The following CPLX1 variants were observed in gnomAD, a reference collection of about 807,000 sequenced individuals.
CPLX1 encodes the protein complexin 1, also known as complexin-1.
Under a neutral mutation model 15.6 loss-of-function variants are expected in CPLX1, and 6 were observed. That is an observed-to-expected ratio of 0.39 (90% CI 0.21 to 0.76). The LOEUF (loss-of-function observed/expected upper bound fraction) is 0.76, where lower values mean the gene tolerates loss of function less well. Among genes scored for constraint, CPLX1 ranks in the 30% least tolerant of loss-of-function variants. The probability of loss-of-function intolerance (pLI) is 0.43; values close to 1 mark genes in which losing one functional copy is unlikely to be tolerated. For synonymous variants in CPLX1, 91 were observed against 75.2 expected (o/e 1.21, Z -1.08); for missense variants, 242 against 188.6 (o/e 1.28, Z -1.66).
intron 1 of CPLX1, among the ~76,000 whole-genome samples, chr4:825,677 G>A (rs1409164384): frequency 6.6e-6 from 1 of 151,372 alleles, no homozygotes; most frequent in African/African-American, 2.4e-5. Flanking sequence ...GGCGCGGGCC[G>A]GGACCGCGGG....
At chr4:797,998 G>C (rs1746377559) in intron 2 of CPLX1, among the ~76,000 whole-genome samples, 1 of 152,092 alleles carries the variant, frequency 6.6e-6, no homozygotes, top group African/African-American at 2.4e-5. Context: ...ATATAGGCCA[G>C]GCACAGTGGC....
At chr4:790,674 C>A (rs543261430) in intron 3 of CPLX1, among the ~76,000 whole-genome samples, 57 of 152,238 alleles carry the variant, frequency 3.7e-4, no homozygotes, top group African/African-American at 1.3e-3. Context: ...CCCAGGGGAC[C>A]AGACCCACTC....
intron 2 of CPLX1, among the ~76,000 whole-genome samples, chr4:794,604 G>A (rs916581700): frequency 2.0e-5 from 3 of 152,186 alleles, no homozygotes; most frequent in Non-Finnish European, 4.4e-5. Flanking sequence ...GCAGGTGTGT[G>A]GGGGAGGCAA....
At chr4:815,250 A>C (rs1470932243) in intron 2 of CPLX1, among the ~76,000 whole-genome samples, 1 of 151,990 alleles carries the variant, frequency 6.6e-6, no homozygotes, top group Non-Finnish European at 1.5e-5. Flanking sequence ...GTCTCTACTA[A>C]AAATACAAAA....
At position 786,374 on chromosome 4, in the gene CPLX1, A is replaced by C. The variant is rs1264451192; in HGVS notation, c.*127T>G. On this transcript the variant is annotated 3_prime_UTR_variant, in exon 4 of 4. Transcript: ENST00000304062. ...GGTGAGGGAGGCGGCGGGCGCGGGC[A>C]GGGCGGGCCTGGGGCTATGGCTTAT... The C allele has an allele frequency of 3.9e-6, 4 of 1,024,330 alleles. No individual in the cohort carries two copies. Among genetic ancestry groups the C allele is most frequent in the Non-Finnish European group, 5.2e-6 (4 of 766,714 alleles). 63.5% of individuals were successfully genotyped at this position (1,024,330 alleles called of 1,614,324 possible). A position where few individuals can be genotyped will look rare whatever the true frequency, so the allele number is the denominator to read the frequency against.
chr4:790,961 T>C lies in CPLX1; in HGVS notation c.207+1472A>G, dbSNP rs566284328. Among the ~76,000 whole-genome samples, 4 of 137,734 alleles carry C rather than the reference T, an allele frequency of 2.9e-5. No homozygotes were observed. The South Asian group carries it at 1.0e-3, about 35-fold the overall frequency. The allele number at this position is 137,734 out of a possible 152,430, so 90.4% of individuals were successfully genotyped here. A position where few individuals can be genotyped will look rare whatever the true frequency, so the allele number is the denominator to read the frequency against. On this transcript the variant is annotated intron_variant, in intron 3 of 3. Coordinates refer to ENST00000304062, the MANE Select transcript of CPLX1 (RefSeq NM_006651.4). ...GTCTTTTTCTCTGTCTCTCCCTCTC[T>C]GTGTCTCTGTCTCTCCCTCTGTCTT...
intron 2 of CPLX1, among the ~76,000 whole-genome samples, chr4:808,409 A>G (rs1746597124): frequency 1.3e-5 from 2 of 152,206 alleles, no homozygotes; most frequent in South Asian, 4.1e-4. Flanking sequence ...GGGGTGGCCC[A>G]TGCTGTTCAT....
chr4:790,535 G>C (rs570394816), intron 3 of CPLX1, among the ~76,000 whole-genome samples: 1 of 152,132 alleles, frequency 6.6e-6, no homozygotes, highest in African/African-American at 2.4e-5. Flanking sequence ...GGTCCCTGAC[G>C]CTGCTGGCCC....
chr4:817,632 T>C (rs182187165), intron 2 of CPLX1, among the ~76,000 whole-genome samples: 9 of 152,146 alleles, frequency 5.9e-5, no homozygotes, highest in Admixed American at 4.6e-4. Flanking sequence ...TCAGGATAAT[T>C]TAATATTAAT....
chr4:792,330 ACGCC>A, intron 3 of CPLX1, 99 bp downstream of exon 3: 1 of 920,122 alleles, frequency 1.1e-6, no homozygotes. Flanking sequence ...GCCCAGGGGG[ACGCC>A]CGCCCCTCTT....
intron 2 of CPLX1, among the ~76,000 whole-genome samples, chr4:795,445 A>G (rs1746305263): frequency 6.6e-6 from 1 of 152,152 alleles, no homozygotes; most frequent in Non-Finnish European, 1.5e-5. Flanking sequence ...CCCCGTTTCC[A>G]GAGGAGGCCG....
At chr4:787,134 C>G in intron 3 of CPLX1, 3 of 985,426 alleles carry the variant, frequency 3.0e-6, no homozygotes, top group Non-Finnish European at 2.4e-6. Flanking sequence ...TGGTCCACGA[C>G]CTGCATTCAC....
chr4:814,405 G>C (rs1023067408), intron 2 of CPLX1, among the ~76,000 whole-genome samples: 7 of 151,996 alleles, frequency 4.6e-5, no homozygotes, highest in Admixed American at 6.5e-5. Context: ...TGGAGACCGG[G>C]TTTCACCATG....
At chr4:794,886 G>T (rs1185240451) in intron 2 of CPLX1, among the ~76,000 whole-genome samples, 5 of 152,156 alleles carry the variant, frequency 3.3e-5, no homozygotes, top group Non-Finnish European at 7.4e-5. Flanking sequence ...GTCTGGTCGC[G>T]GGAGCCGGCA....
In CPLX1 at chr4:824,593, G is replaced by A. The variant is rs956036537; in HGVS notation, c.-71C>T. The A allele has an allele frequency of 9.7e-6, 15 of 1,544,210 alleles. No individual in the cohort carries two copies. Among genetic ancestry groups the A allele is most frequent in the Non-Finnish European group, 1.3e-5 (14 of 1,117,734 alleles). On this transcript the variant is annotated 5_prime_UTR_variant, in exon 2 of 4. Coordinates refer to ENST00000304062, the MANE Select transcript of CPLX1 (RefSeq NM_006651.4). ...CACACGCAAGTATGGCCGGGAGCGA[G>A]TGTTCTTCCTGGGGGAGAGTGAAGT...
rs560732233 is a variant in CPLX1 at position 785,428 on chromosome 4, T to A, written c.*1073A>T. 2.6e-5 allele frequency: 4 copies of A among 152,478 alleles called. No homozygotes were observed. The highest frequency in any genetic ancestry group is 4.8e-5 in the African/African-American group (2 of 41,416). The allele number at this position is 152,478 out of a possible 1,614,324, so 9.4% of individuals were successfully genotyped here. A position where few individuals can be genotyped will look rare whatever the true frequency, so the allele number is the denominator to read the frequency against. Reference sequence around the variant, plus strand: ...GTGGAGACTTGATGCATTTTTGATGTGGACGAAAGGGCCCGGGGGCGAGGC... The same window carrying A: ...GTGGAGACTTGATGCATTTTTGATGAGGACGAAAGGGCCCGGGGGCGAGGC... On this transcript the variant is annotated 3_prime_UTR_variant, in exon 4 of 4. Transcript: ENST00000304062.
intron 2 of CPLX1, chr4:804,824 G>A: frequency 8.1e-6 from 8 of 985,382 alleles, no homozygotes; most frequent in Non-Finnish European, 9.6e-6. Flanking sequence ...CCTGGAGGCC[G>A]GCAAGCGTGG....
At chr4:813,206 A>G (rs1204249388) in intron 2 of CPLX1, among the ~76,000 whole-genome samples, 7 of 149,756 alleles carry the variant, frequency 4.7e-5, no homozygotes. Flanking sequence ...CGGAGGTTGC[A>G]GTGAGCCAAG....
At chr4:809,540 C>A (rs1576994507) in intron 2 of CPLX1, among the ~76,000 whole-genome samples, 1 of 152,206 alleles carries the variant, frequency 6.6e-6, no homozygotes, top group African/African-American at 2.4e-5. Context: ...GTGGGGGGGA[C>A]CTCAGGCCGT....
Sources: gnomAD v4.1 joint callset for allele counts (sites outside exome capture counted in the v4.1 genomes callset) on GRCh38, gnomAD v4.1.1 for gene constraint, MANE v1.5 for transcripts, NCBI Gene and HGNC (gene_info 2026-07-23, HGNC 2026-07-21) for gene names.